UGT1A5: variants seen among roughly 807,000 people sequenced by gnomAD.
UGT1A5 encodes the protein UDP glucuronosyltransferase family 1 member A5.
A neutral mutation model predicts 40.3 loss-of-function variants in UGT1A5; 29 were observed. The ratio of observed to expected loss-of-function variants is 0.72; its 90% CI spans 0.54 to 0.98. UGT1A5 has a LOEUF of 0.98. UGT1A5 is among the 50% of genes least tolerant of loss of function. The pLI, the probability that UGT1A5 is intolerant of heterozygous loss-of-function variation, is 0.00. For synonymous variants in UGT1A5, 257 were observed against 262.5 expected (o/e 0.98, Z 0.20); for missense variants, 678 against 677.9 (o/e 1.00, Z 0.00).
At chr2:233,727,703 C>T (rs944124074) in intron 1 of UGT1A5, among the ~76,000 whole-genome samples, 2 of 152,208 alleles carry the variant, frequency 1.3e-5, no homozygotes, top group Non-Finnish European at 2.9e-5. Context: ...CTGGACAGTT[C>T]CCAAAGCCCT....
chr2:233,717,911 C>T, intron 1 of UGT1A5: 1 of 454,770 alleles, frequency 2.2e-6, no homozygotes, highest in South Asian at 1.6e-5. Flanking sequence ...AAATAAAGGC[C>T]TGGATGAATG....
chr2:233,754,397 T>G (rs1695471341), intron 1 of UGT1A5: 2 of 336,018 alleles, frequency 6.0e-6, no homozygotes, highest in African/African-American at 4.3e-5. Flanking sequence ...GTCCTATCCG[T>G]GCAGTCCCAA....
At chr2:233,734,324 A>G (rs1395140152) in intron 1 of UGT1A5, among the ~76,000 whole-genome samples, 1 of 152,194 alleles carries the variant, frequency 6.6e-6, no homozygotes, top group Non-Finnish European at 1.5e-5. Flanking sequence ...ACGTATTTAT[A>G]GTATTCTCTG....
chr2:233,716,677 G>A (rs2076519558), intron 1 of UGT1A5, among the ~76,000 whole-genome samples: 1 of 152,156 alleles, frequency 6.6e-6, no homozygotes, highest in African/African-American at 2.4e-5. Context: ...TTTACCCCAA[G>A]ATATAGTTTC....
chr2:233,760,663 G>A, intron 1 of UGT1A5: 1 of 1,614,204 alleles, frequency 6.2e-7, no homozygotes, highest in Non-Finnish European at 8.5e-7. Context: ...GCTTTTGTCT[G>A]GCTGTTCCCA....
rs1699600557 is a variant in UGT1A5 at position 233,768,315 on chromosome 2, T to C, written c.1183T>C (p.Phe395Leu). The change falls in exon 4 of 5, where the codon TTT becomes CTT. Residue 395 changes from phenylalanine (F) to leucine (L), a missense_variant. Physicochemically the swap from Phe to Leu is conservative, Grantham distance 22. Coordinates refer to ENST00000373414, the MANE Select transcript of UGT1A5 (RefSeq NM_019078.2). ...CGTTCCCATGGTGATGATGCCCTTG[T>C]TTGGTGATCAGATGGACAATGCAAA... ...NGVPMVMMPLFGDQMDNAKRM... is the reference protein window; with the variant it reads ...NGVPMVMMPLLGDQMDNAKRM... 3 of 1,614,138 alleles carry C rather than the reference T, an allele frequency of 1.9e-6. No individual in the cohort carries two copies. Among genetic ancestry groups the C allele is most frequent in the South Asian group, 2.2e-5 (2 of 91,078 alleles).
intron 1 of UGT1A5, among the ~76,000 whole-genome samples, chr2:233,734,252 G>A (rs1251645812): frequency 6.6e-6 from 1 of 152,080 alleles, no homozygotes; most frequent in Non-Finnish European, 1.5e-5. Flanking sequence ...TTTAGTCTTG[G>A]GAGGGTGTAT....
intron 1 of UGT1A5, chr2:233,761,266 C>T: frequency 1.3e-6 from 2 of 1,594,552 alleles, no homozygotes; most frequent in South Asian, 1.1e-5. Context: ...ATTTAAAATG[C>T]CCTCTTTTGT....
chr2:233,757,927 A>C (rs1242249137), intron 1 of UGT1A5, among the ~76,000 whole-genome samples: 4 of 152,044 alleles, frequency 2.6e-5, no homozygotes, highest in African/African-American at 9.7e-5. Flanking sequence ...GCAGCCCCCA[A>C]AGCAAGACCA....
intron 1 of UGT1A5, among the ~76,000 whole-genome samples, chr2:233,758,359 C>A (rs1696853264): frequency 6.6e-6 from 1 of 152,198 alleles, no homozygotes; most frequent in Non-Finnish European, 1.5e-5. Flanking sequence ...GCAGGAAAGT[C>A]ATAAAATCAT....
At chr2:233,714,240 G>A (rs974557755) in intron 1 of UGT1A5, among the ~76,000 whole-genome samples, 4 of 152,188 alleles carry the variant, frequency 2.6e-5, no homozygotes, top group Non-Finnish European at 4.4e-5. Flanking sequence ...TCAGTAGAAA[G>A]GAGGAAGGAA....
intron 1 of UGT1A5, chr2:233,747,614 T>A (rs1693730257): frequency 3.8e-6 from 6 of 1,574,498 alleles, no homozygotes; most frequent in Non-Finnish European, 1.7e-6. Flanking sequence ...TACTGCATAA[T>A]GAGGCCCTGA....
At chr2:233,714,147 C>T (rs548246419) in intron 1 of UGT1A5, among the ~76,000 whole-genome samples, 18 of 152,186 alleles carry the variant, frequency 1.2e-4, no homozygotes, top group Admixed American at 6.5e-5. Flanking sequence ...GCACCATCTT[C>T]ATGGCTGTGG....
chr2:233,725,031 A>T (rs1445155705), intron 1 of UGT1A5, among the ~76,000 whole-genome samples: 4 of 148,206 alleles, frequency 2.7e-5, no homozygotes, highest in Admixed American at 1.3e-4. Context: ...CCCGGTCTCC[A>T]CCAAAACCAG....
intron 1 of UGT1A5, among the ~76,000 whole-genome samples, chr2:233,738,487 G>C (rs2125816251): frequency 6.6e-6 from 1 of 152,316 alleles, no homozygotes; most frequent in African/African-American, 2.4e-5. Flanking sequence ...GAGACTTGTT[G>C]AACGGTTTTG....
At position 233,719,215 on chromosome 2, in the gene UGT1A5, T is replaced by C. The variant is rs72551337; in HGVS notation, c.867+5357T>C. ...CTTCATAGGTGTTGTGTGGAGCTAC[T>C]GCATAATGAGGCCCTGATCAGGCAC... On this transcript the variant is annotated intron_variant, in intron 1 of 4. Coordinates refer to ENST00000373414, the MANE Select transcript of UGT1A5 (RefSeq NM_019078.2). The C allele has an allele frequency of 1.5e-5, 25 of 1,614,228 alleles. No individual in the cohort carries two copies. In the East Asian group the frequency reaches 2.9e-4, roughly 19 times the overall value.
chr2:233,721,851 C>A, intron 1 of UGT1A5: 1 of 513,702 alleles, frequency 1.9e-6, no homozygotes, highest in South Asian at 1.4e-5. Context: ...TCCAGCCCCA[C>A]TGCTCGGCCC....
At chr2:233,727,469 A>C (rs1381010401) in intron 1 of UGT1A5, among the ~76,000 whole-genome samples, 7 of 152,276 alleles carry the variant, frequency 4.6e-5, no homozygotes, top group Non-Finnish European at 8.8e-5. Flanking sequence ...TGTCTAAATA[A>C]AACACTACTA....
intron 1 of UGT1A5, among the ~76,000 whole-genome samples, chr2:233,741,256 C>A (rs1347287188): frequency 6.6e-6 from 1 of 151,868 alleles, no homozygotes; most frequent in African/African-American, 2.4e-5. Flanking sequence ...GTATGCCACT[C>A]TTTGCTGACC....
Sources: gnomAD v4.1 joint callset for allele counts (sites outside exome capture counted in the v4.1 genomes callset) on GRCh38, gnomAD v4.1.1 for gene constraint, MANE v1.5 for transcripts, NCBI Gene and HGNC (gene_info 2026-07-23, HGNC 2026-07-21) for gene names.